Variants in AGAP3 observed in about 807,000 individuals in gnomAD.
AGAP3 encodes ArfGAP with GTPase domain, ankyrin repeat and PH domain 3.
A neutral mutation model predicts 96.9 loss-of-function variants in AGAP3; 24 were observed. The ratio of observed to expected loss-of-function variants is 0.25; its 90% CI spans 0.18 to 0.35. The LOEUF (loss-of-function observed/expected upper bound fraction) is 0.35. AGAP3 is among the 10% of genes least tolerant of loss of function. The probability of loss-of-function intolerance (pLI) is 1.00; values close to 1 mark genes in which losing one functional copy is unlikely to be tolerated. For missense variants in AGAP3, 876 were observed against 1,254.2 expected (o/e 0.70, Z 4.55); for synonymous variants, 563 against 536.1 (o/e 1.05, Z -0.69).
intron 1 of AGAP3, among the ~76,000 whole-genome samples, chr7:151,102,190 C>T (rs996929182): frequency 1.3e-4 from 20 of 152,120 alleles, no homozygotes; most frequent in African/African-American, 4.3e-4. Context: ...CTGAGGGTGG[C>T]GAGCAGGTTT....
intron 8 of AGAP3, chr7:151,123,275 GC>G (rs1800002455): frequency 1.9e-6 from 2 of 1,050,226 alleles, no homozygotes; most frequent in South Asian, 6.3e-5. Context: ...GGTGGACTCT[GC>G]CCCAGGAGCT....
chr7:151,118,306 C>T lies in AGAP3; in HGVS notation c.803C>T (p.Ala268Val). ...CGGTGCACCTACTATGAGACGTGCG[C>T]GACCTACGGGCTCAATGTGGAGCGT... ...LKRCTYYETC[A>V]TYGLNVERVF... The change falls in exon 6 of 18, where the codon GCG (alanine) becomes GTG (valine). Residue 268 changes from alanine (A) to valine (V), a missense_variant. Around this residue, in one of 8 missense-constraint regions of AGAP3, gnomAD observed 131 missense variants for 304.5 expected, o/e 0.43. Transcript: ENST00000397238. The surrounding 1 kb of genome is among the most constrained non-coding windows in gnomAD (Gnocchi z 6.1). The T allele has an allele frequency of 1.2e-6, 2 of 1,613,344 alleles. No individual in the cohort carries two copies. Among genetic ancestry groups the T allele is most frequent in the Non-Finnish European group, 8.5e-7 (1 of 1,179,314 alleles).
intron 8 of AGAP3, chr7:151,120,980 C>A: frequency 2.1e-6 from 1 of 487,202 alleles, no homozygotes; most frequent in Non-Finnish European, 2.8e-6. Context: ...GGTGAACCCC[C>A]GTGTGGGTTG....
rs1399424398 is a variant in AGAP3, at chr7:151,133,870, C to T, written c.1327-530C>T. 6.6e-6 allele frequency among the ~76,000 whole-genome samples: 1 copy of T among 152,142 alleles called. No individual in the cohort carries two copies. Among genetic ancestry groups the T allele is most frequent in the Non-Finnish European group, 1.5e-5 (1 of 68,022 alleles). On this transcript the variant is annotated intron_variant, in intron 10 of 17. Transcript: ENST00000397238. The surrounding 1 kb of genome is among the most constrained non-coding windows in gnomAD (Gnocchi z 5.4). ...GCACCTGTTGCTGTATTCCAAAGTC[C>T]AGCAAAAAGAATCAGAGGCTTCCTT... is the stretch of plus-strand genomic sequence containing the variant.
intron 9 of AGAP3, among the ~76,000 whole-genome samples, chr7:151,126,170 G>C (rs1800159317): frequency 6.6e-6 from 1 of 152,214 alleles, no homozygotes; most frequent in Middle Eastern, 3.4e-3. Context: ...CCGAGGACGG[G>C]GGCGTTCAGG....
chr7:151,123,690 G>A (rs1312687494), intron 8 of AGAP3, 104 bp from the exon 9 acceptor site: 1 of 1,580,498 alleles, frequency 6.3e-7, no homozygotes, highest in Non-Finnish European at 8.6e-7. Context: ...CCACTGCTAG[G>A]GCTGCCCAGG....
intron 8 of AGAP3, chr7:151,122,657 G>C: frequency 2.5e-6 from 4 of 1,594,458 alleles, no homozygotes; most frequent in Non-Finnish European, 3.4e-6. Flanking sequence ...TGCCCTCACC[G>C]GTGCTGACCG....
Position 151,086,954 on chromosome 7 carries a change from C to A in AGAP3, c.213C>A (p.Ala71=), listed in dbSNP as rs746383594. Residue 71 remains alanine (A), a synonymous_variant, in exon 1 of 18, where the codon GCC becomes GCA. Coordinates refer to ENST00000397238, the MANE Select transcript of AGAP3 (RefSeq NM_031946.7). ...FALSNSAAIR[A]EIQRFESVHP... ...TCTCCAACTCCGCGGCCATCCGGGC[C>A]GAGATCCAGCGCTTCGAGTCCGTGC... 6.8e-6 allele frequency: 11 copies of A among 1,611,816 alleles called. No individual in the cohort carries two copies. The highest frequency in any genetic ancestry group is 9.3e-6 in the Non-Finnish European group (11 of 1,179,184).
At chr7:151,124,764 A>G (rs1800086206) in intron 9 of AGAP3, among the ~76,000 whole-genome samples, 1 of 152,168 alleles carries the variant, frequency 6.6e-6, no homozygotes, top group Non-Finnish European at 1.5e-5. Context: ...CGGTGTGACC[A>G]GGATTCATTC....
At chr7:151,126,304 T>C (rs896551504) in intron 9 of AGAP3, among the ~76,000 whole-genome samples, 1 of 151,780 alleles carries the variant, frequency 6.6e-6, no homozygotes, top group Admixed American at 6.6e-5. Context: ...CCGCGCGCAG[T>C]GCAGGCCTTG....
chr7:151,114,626 C>A lies in AGAP3; in HGVS notation c.332-2167C>A. 1 of 792,636 alleles carries A rather than the reference C, an allele frequency of 1.3e-6. No homozygotes were observed. Among genetic ancestry groups the A allele is most frequent in the Non-Finnish European group, 1.5e-6 (1 of 652,190 alleles). 49.1% of individuals were successfully genotyped at this position (792,636 alleles called of 1,614,324 possible). On this transcript the variant is annotated intron_variant, in intron 1 of 17. Coordinates refer to ENST00000397238, the MANE Select transcript of AGAP3 (RefSeq NM_031946.7). The surrounding 1 kb of genome is among the most constrained non-coding windows in gnomAD (Gnocchi z 4.4). ...CCTCTCCAGGTCTGGGCTTGCCGGC[C>A]GCGAGGTGGAGGAGTTGAGGGACTC... is the stretch of plus-strand genomic sequence containing the variant.
Position 151,133,040 on chromosome 7 carries a change from G to A in AGAP3, c.1327-1360G>A, listed in dbSNP as rs533827862. 1.1e-4 allele frequency among the ~76,000 whole-genome samples: 17 copies of A among 152,302 alleles called. No homozygotes were observed. Among genetic ancestry groups the A allele is most frequent in the African/African-American group, 3.1e-4 (13 of 41,558 alleles). On this transcript the variant is annotated intron_variant, in intron 10 of 17. Coordinates refer to ENST00000397238, the MANE Select transcript of AGAP3 (RefSeq NM_031946.7). The surrounding 1 kb of genome is among the most constrained non-coding windows in gnomAD (Gnocchi z 5.4). ...GGGCTCCTCAGGGTAGGAGGAGCGC[G>A]TCTGGGAAGGCTCGTCGCACGGCCG...
chr7:151,098,885 C>T (rs184412530), intron 1 of AGAP3, among the ~76,000 whole-genome samples: 1 of 151,540 alleles, frequency 6.6e-6, no homozygotes, highest in Non-Finnish European at 1.5e-5. Context: ...AGGTGCATGC[C>T]ACCACAGCCG....
At chr7:151,125,788 A>T (rs1800132880) in intron 9 of AGAP3, among the ~76,000 whole-genome samples, 1 of 152,112 alleles carries the variant, frequency 6.6e-6, no homozygotes, top group Non-Finnish European at 1.5e-5. Flanking sequence ...TTCAGTTGCC[A>T]TTTGCATTCC....
chr7:151,120,152 G>C lies in AGAP3; in HGVS notation c.1128+7G>C. 1 of 1,590,892 alleles carries C rather than the reference G, an allele frequency of 6.3e-7. No individual in the cohort carries two copies. Among genetic ancestry groups the C allele is most frequent in the Middle Eastern group, 1.7e-4 (1 of 5,954 alleles). On this transcript the variant is annotated splice_region_variant and intron_variant, in intron 8 of 17. Coordinates refer to ENST00000397238, the MANE Select transcript of AGAP3 (RefSeq NM_031946.7). The stretch of plus-strand genomic sequence containing the variant: ...GCGCTCCAACATCTTCACGGTACGT[G>C]ACTGCCCTCCTCCCCCGCCCAGCTG...
At chr7:151,109,247 C>T (rs1168413661) in intron 1 of AGAP3, among the ~76,000 whole-genome samples, 2 of 152,118 alleles carry the variant, frequency 1.3e-5, no homozygotes, top group Admixed American at 6.5e-5. Context: ...CCTAAAGTCC[C>T]AGCTACTTGG....
In AGAP3 at chr7:151,118,053, A is replaced by G; in HGVS notation, c.707-157A>G. 1 of 1,039,516 alleles carries G rather than the reference A, an allele frequency of 9.6e-7. No homozygotes were observed. The highest frequency in any genetic ancestry group is 1.4e-6 in the Non-Finnish European group (1 of 723,080). 64.4% of individuals were successfully genotyped at this position (1,039,516 alleles called of 1,614,324 possible). On this transcript the variant is annotated intron_variant, in intron 5 of 17. Transcript: ENST00000397238. This position sits in a 1 kb window ranked among gnomAD's most constrained non-coding sequence, Gnocchi z 6.1. Reference sequence around the variant, plus strand: ...TGGTTTGCACTCAGTGAGGCCATGGAAGGGTTGAAATGAGACCCAGGCACC... The same window carrying G: ...TGGTTTGCACTCAGTGAGGCCATGGGAGGGTTGAAATGAGACCCAGGCACC...
intron 1 of AGAP3, chr7:151,115,762 C>T: frequency 1.7e-6 from 1 of 587,804 alleles, no homozygotes; most frequent in Non-Finnish European, 2.2e-6. Flanking sequence ...GGGTCTGGAC[C>T]GAGTGTCGTC....
chr7:151,109,165 T>TAAAAAAA (rs112464213), intron 1 of AGAP3, among the ~76,000 whole-genome samples: 1 of 136,248 alleles, frequency 7.3e-6, no homozygotes, highest in Admixed American at 7.3e-5. Flanking sequence ...CCCACCTCTG[T>TAAAAAAA]AAAAAAAAAA....
Sources: allele counts gnomAD v4.1 joint callset (sites outside exome capture counted in the v4.1 genomes callset), GRCh38; gene constraint gnomAD v4.1.1; regional missense constraint gnomAD v4.1.1; non-coding constraint Gnocchi (gnomAD v3.1); transcripts MANE v1.5; gene names NCBI Gene and HGNC (gene_info 2026-07-23, HGNC 2026-07-21).